The following PAN3 variants were observed in gnomAD, a reference collection of about 807,000 sequenced individuals.
PAN3 encodes poly(A) specific ribonuclease subunit PAN3.
A neutral mutation model predicts 96.2 loss-of-function variants in PAN3; 19 were observed. That is an observed-to-expected ratio of 0.20 (90% CI 0.14 to 0.29). PAN3 has a LOEUF of 0.29. Among genes scored for constraint, PAN3 ranks in the 10% least tolerant of loss-of-function variants. The pLI is 1.00. For synonymous variants in PAN3, 433 were observed against 406.6 expected, an observed-to-expected ratio of 1.06 and a Z score of -0.78; for missense variants, 882 against 1,108.1, an observed-to-expected ratio of 0.80 and a Z score of 2.90.
chr13:28,184,588 A>T (rs574535164), intron 4 of PAN3, among the ~76,000 whole-genome samples: 2 of 152,160 alleles, frequency 1.3e-5, no homozygotes, highest in Non-Finnish European at 2.9e-5. Flanking sequence ...GCAAGAATAG[A>T]CAATTGAATT....
intron 18 of PAN3, among the ~76,000 whole-genome samples, chr13:28,290,542 G>A (rs146472690): frequency 0.01 from 1,563 of 152,086 alleles, 8 homozygotes; most frequent in Non-Finnish European, 0.014. Context: ...TTAGCCGGGC[G>A]TGGTGGTACA....
chr13:28,276,975 A>G (rs1887114801), intron 14 of PAN3, among the ~76,000 whole-genome samples: 1 of 152,320 alleles, frequency 6.6e-6, no homozygotes, highest in African/African-American at 2.4e-5. Context: ...GCGTGGACCT[A>G]GAACTACCTT....
At chr13:28,154,785 C>G (rs559211355) in intron 1 of PAN3, among the ~76,000 whole-genome samples, 22 of 151,676 alleles carry the variant, frequency 1.5e-4, no homozygotes, top group African/African-American at 5.3e-4. Flanking sequence ...TGTGAGCCAC[C>G]ACACTCGGCC....
intron 4 of PAN3, among the ~76,000 whole-genome samples, chr13:28,181,495 A>C: frequency 7.4e-6 from 1 of 135,072 alleles, no homozygotes. Flanking sequence ...ACAGAGCAAA[A>C]CCCTGTCTCA....
chr13:28,216,988 C>G (rs1005941462), intron 5 of PAN3, among the ~76,000 whole-genome samples: 4 of 151,818 alleles, frequency 2.6e-5, no homozygotes, highest in African/African-American at 9.7e-5. Context: ...GTGGCGGGCG[C>G]CTGTAATCCC....
intron 7 of PAN3, among the ~76,000 whole-genome samples, chr13:28,257,719 T>TATATATTATATATATTATATATAATA (rs1566234962): frequency 6.2e-5 from 7 of 112,898 alleles, no homozygotes; most frequent in Non-Finnish European, 1.0e-4. Context: ...TATATATAAT[T>TATATATTATATATATTATATATAATA]AATATATATT....
intron 15 of PAN3, among the ~76,000 whole-genome samples, chr13:28,278,418 T>A (rs1481361637): frequency 6.6e-6 from 1 of 152,178 alleles, no homozygotes; most frequent in East Asian, 1.9e-4. Flanking sequence ...CTCAAATAAT[T>A]TCAGGTTATA....
chr13:28,215,210 G>A, intron 5 of PAN3: 1 of 712,456 alleles, frequency 1.4e-6, no homozygotes. Context: ...TTGAGGCTCT[G>A]GACTGCATCC....
chr13:28,289,061 C>T (rs45459397), intron 18 of PAN3, among the ~76,000 whole-genome samples: 8,536 of 151,672 alleles, frequency 0.056, 474 homozygotes, highest in East Asian at 0.32. Flanking sequence ...CTCCTGACCT[C>T]GTGATCCACC....
In PAN3 at chr13:28,149,811, C is replaced by A. The variant is rs191438424; in HGVS notation, c.430+10724C>A. Among the ~76,000 whole-genome samples the A allele has an allele frequency of 5.0e-3, 761 of 152,180 alleles. 5 individuals carry two copies. Among genetic ancestry groups the A allele is most frequent in the African/African-American group, 0.017 (717 of 41,516 alleles). ...TTTAAATTTTTTGTAGAGATAGGGT[C>A]TTGCTGTGTTGCCCAGGATGGTCTT... On this transcript the variant is annotated intron_variant, in intron 1 of 18. Transcript: ENST00000380958.
intron 5 of PAN3, chr13:28,215,118 C>G (rs1880568569): frequency 3.7e-6 from 3 of 800,426 alleles, no homozygotes; most frequent in Non-Finnish European, 4.4e-6. Flanking sequence ...TGACAACATG[C>G]TGGAGCCAAG....
At chr13:28,277,208 T>G (rs1306304928) in intron 14 of PAN3, 29 bp from the exon 15 acceptor site, 3 of 1,583,444 alleles carry the variant, frequency 1.9e-6, no homozygotes, top group South Asian at 2.3e-5. Flanking sequence ...AAATGAAAAT[T>G]AAAAGTTATA....
intron 4 of PAN3, among the ~76,000 whole-genome samples, chr13:28,190,819 A>C (rs1350451168): frequency 6.6e-6 from 1 of 152,190 alleles, no homozygotes; most frequent in Non-Finnish European, 1.5e-5. Flanking sequence ...ACACATGGGC[A>C]TTATTAATAT....
chr13:28,171,100 A>G (rs947558377), intron 1 of PAN3, among the ~76,000 whole-genome samples: 10 of 152,168 alleles, frequency 6.6e-5, no homozygotes, highest in African/African-American at 2.2e-4. Flanking sequence ...CTGGCCAAAC[A>G]TCTTCCTTTT....
At chr13:28,186,848 A>G (rs1482117710) in intron 4 of PAN3, among the ~76,000 whole-genome samples, 1 of 152,020 alleles carries the variant, frequency 6.6e-6, no homozygotes, top group African/African-American at 2.4e-5. Context: ...TTGGTAAGGG[A>G]CTGAAATTGA....
At chr13:28,208,866 G>C (rs954943073) in intron 5 of PAN3, among the ~76,000 whole-genome samples, 4 of 152,108 alleles carry the variant, frequency 2.6e-5, no homozygotes, top group African/African-American at 9.7e-5. Flanking sequence ...AAATGAAAAA[G>C]GGAATGGTGT....
intron 6 of PAN3, among the ~76,000 whole-genome samples, chr13:28,239,177 ACACACACACACGCATGCACACACG>A (rs1449968262): frequency 2.1e-5 from 2 of 97,032 alleles, no homozygotes; most frequent in Admixed American, 1.4e-4. Context: ...ACACACACAC[ACACACACACACGCATGCACACACG>A]CACACACACA....
chr13:28,291,491 A>G (rs1285732882), intron 18 of PAN3, among the ~76,000 whole-genome samples: 1 of 152,214 alleles, frequency 6.6e-6, no homozygotes, highest in Non-Finnish European at 1.5e-5. Context: ...AAATTTAAAT[A>G]GCAAGGTGCT....
At chr13:28,225,751 G>C (rs894758231) in intron 6 of PAN3, among the ~76,000 whole-genome samples, 1 of 150,804 alleles carries the variant, frequency 6.6e-6, no homozygotes, top group Non-Finnish European at 1.5e-5. Context: ...TGCTGAATGG[G>C]AAAAAAAAAC....
Sources: allele counts gnomAD v4.1 joint callset (sites outside exome capture counted in the v4.1 genomes callset), GRCh38; gene constraint gnomAD v4.1.1; transcripts MANE v1.5; gene names NCBI Gene and HGNC (gene_info 2026-07-23, HGNC 2026-07-21).